Variants in LHFPL3 observed in about 807,000 individuals in gnomAD.
LHFPL3 encodes LHFPL tetraspan subfamily member 3 protein.
A neutral mutation model predicts 19.3 loss-of-function variants in LHFPL3; 5 were observed. The observed-to-expected ratio is 0.26, with a 90% CI of 0.14 to 0.54. The LOEUF (loss-of-function observed/expected upper bound fraction) is 0.54, where lower values mean the gene tolerates loss of function less well. Ranked by LOEUF, LHFPL3 falls within the 20% of genes least tolerant of loss-of-function variation. The probability of loss-of-function intolerance (pLI) is 0.94; values close to 1 mark genes in which losing one functional copy is unlikely to be tolerated. For synonymous variants in LHFPL3, 133 were observed against 126.2 expected (o/e 1.05, Z -0.36); for missense variants, 249 against 307.4 (o/e 0.81, Z 1.42).
intron 1 of LHFPL3, among the ~76,000 whole-genome samples, chr7:104,675,538 G>T (rs952177763): frequency 6.6e-6 from 1 of 152,164 alleles, no homozygotes; most frequent in Non-Finnish European, 1.5e-5. Flanking sequence ...GAAAAGGGGT[G>T]CAGGGAACAA....
At chr7:104,743,238 T>A (rs1435974929) in intron 2 of LHFPL3, among the ~76,000 whole-genome samples, 1 of 152,040 alleles carries the variant, frequency 6.6e-6, no homozygotes, top group Non-Finnish European at 1.5e-5. Flanking sequence ...GCCCATACAC[T>A]CATACCACCA....
intron 1 of LHFPL3, among the ~76,000 whole-genome samples, chr7:104,476,873 C>A (rs1286264764): frequency 1.8e-4 from 27 of 152,146 alleles, no homozygotes. Flanking sequence ...CATAGAAGCA[C>A]GTATCAGGGC....
At chr7:104,697,098 C>T (rs1378373216) in intron 1 of LHFPL3, among the ~76,000 whole-genome samples, 1 of 152,146 alleles carries the variant, frequency 6.6e-6, no homozygotes, top group Non-Finnish European at 1.5e-5. Context: ...GCATTCTGGG[C>T]ACTCCATTTC....
intron 1 of LHFPL3, among the ~76,000 whole-genome samples, chr7:104,706,944 G>A (rs1022816887): frequency 5.2e-5 from 7 of 134,238 alleles, no homozygotes; most frequent in Non-Finnish European, 1.2e-4. Flanking sequence ...TACAAGACCT[G>A]ATGCCCAGCT....
At chr7:104,728,346 A>G (rs1793628462) in intron 1 of LHFPL3, among the ~76,000 whole-genome samples, 1 of 152,156 alleles carries the variant, frequency 6.6e-6, no homozygotes, top group South Asian at 2.1e-4. Context: ...CCTGATAGTC[A>G]CAGAACTCTA....
intron 1 of LHFPL3, among the ~76,000 whole-genome samples, chr7:104,500,887 C>A (rs1385011440): frequency 6.6e-6 from 1 of 152,228 alleles, no homozygotes; most frequent in Non-Finnish European, 1.5e-5. Context: ...TTTCAAATGC[C>A]TTCTCATCCT....
At chr7:104,541,436 A>G (rs1461559919) in intron 1 of LHFPL3, among the ~76,000 whole-genome samples, 3 of 152,138 alleles carry the variant, frequency 2.0e-5, no homozygotes, top group Non-Finnish European at 4.4e-5. Flanking sequence ...TGTCTGAACA[A>G]TGAGTTGGAT....
At chr7:104,496,981 G>A (rs1445827020) in intron 1 of LHFPL3, among the ~76,000 whole-genome samples, 2 of 152,110 alleles carry the variant, frequency 1.3e-5, no homozygotes, top group African/African-American at 4.8e-5. Context: ...AAAGGCCTAA[G>A]TGAAGAACAA....
At chr7:104,815,282 C>G (rs970300382) in intron 2 of LHFPL3, among the ~76,000 whole-genome samples, 1 of 152,134 alleles carries the variant, frequency 6.6e-6, no homozygotes, top group Non-Finnish European at 1.5e-5. Context: ...ATGGCAGGGG[C>G]AGCTCCAGAC....
intron 1 of LHFPL3, among the ~76,000 whole-genome samples, chr7:104,391,259 C>T (rs1173917840): frequency 1.1e-4 from 16 of 152,108 alleles, no homozygotes; most frequent in Admixed American, 1.0e-3. Context: ...AGTCCTTGCC[C>T]ATGCCTATGT....
intron 2 of LHFPL3, among the ~76,000 whole-genome samples, chr7:104,854,779 G>C (rs988828459): frequency 6.6e-6 from 1 of 152,144 alleles, no homozygotes; most frequent in African/African-American, 2.4e-5. Flanking sequence ...AGCACCATTT[G>C]TCTAAGTAAA....
chr7:104,580,878 A>G (rs556901812), intron 1 of LHFPL3, among the ~76,000 whole-genome samples: 120 of 152,022 alleles, frequency 7.9e-4, no homozygotes, highest in African/African-American at 2.8e-3. Flanking sequence ...ATTATTTTTT[A>G]TCTTGAGTAA....
chr7:104,474,350 C>G (rs1792966148), intron 1 of LHFPL3, among the ~76,000 whole-genome samples: 1 of 151,998 alleles, frequency 6.6e-6, no homozygotes, highest in Non-Finnish European at 1.5e-5. Context: ...TGTGTTAGGC[C>G]TAAGGTGAAT....
intron 2 of LHFPL3, among the ~76,000 whole-genome samples, chr7:104,812,637 TA>T (rs901524958): frequency 1.3e-5 from 2 of 149,960 alleles, no homozygotes; most frequent in African/African-American, 4.9e-5. Flanking sequence ...CCATCTCTAC[TA>T]AAAAAAATTA....
intron 2 of LHFPL3, among the ~76,000 whole-genome samples, chr7:104,842,531 C>A (rs916855314): frequency 3.9e-5 from 6 of 152,182 alleles, no homozygotes; most frequent in African/African-American, 1.4e-4. Flanking sequence ...TGGGGTCCTG[C>A]AGGCTGATGA....
chr7:104,673,217 C>A (rs140282098), intron 1 of LHFPL3, among the ~76,000 whole-genome samples: 11 of 152,172 alleles, frequency 7.2e-5, no homozygotes, highest in African/African-American at 2.4e-4. Flanking sequence ...ATGCAAAGTA[C>A]GAAAAGAGTT....
At chr7:104,862,805 A>G (rs1475964048) in intron 2 of LHFPL3, among the ~76,000 whole-genome samples, 1 of 152,298 alleles carries the variant, frequency 6.6e-6, no homozygotes, top group Non-Finnish European at 1.5e-5. Context: ...GCAGAGCCTG[A>G]TAAGTAACAT....
intron 2 of LHFPL3, among the ~76,000 whole-genome samples, chr7:104,794,250 G>C (rs897643186): frequency 1.3e-5 from 2 of 152,156 alleles, no homozygotes; most frequent in Non-Finnish European, 2.9e-5. Flanking sequence ...GTGGACCAGA[G>C]GACCCCAGAC....
chr7:104,558,299 T>C (rs1485262516), intron 1 of LHFPL3, among the ~76,000 whole-genome samples: 6 of 148,270 alleles, frequency 4.0e-5, no homozygotes, highest in African/African-American at 7.5e-5. Flanking sequence ...CCACCAACAG[T>C]GTAAAAGTGT....
Sources: allele counts gnomAD v4.1 joint callset (sites outside exome capture counted in the v4.1 genomes callset), GRCh38; gene constraint gnomAD v4.1.1; transcripts MANE v1.5; gene names NCBI Gene and HGNC (gene_info 2026-07-23, HGNC 2026-07-21).